Variants in ZDHHC14 observed in about 807,000 individuals in gnomAD.
ZDHHC14 encodes palmitoyltransferase ZDHHC14.
A neutral mutation model predicts 47.7 loss-of-function variants in ZDHHC14; 16 were observed. That is an observed-to-expected ratio of 0.34 (90% confidence interval 0.23 to 0.51). The LOEUF is 0.51. Among genes scored for constraint, ZDHHC14 ranks in the 20% least tolerant of loss-of-function variants. ZDHHC14 has a pLI of 0.97. For synonymous variants in ZDHHC14, 293 were observed against 278.9 expected (o/e 1.05, Z -0.50); for missense variants, 515 against 662.5 (o/e 0.78, Z 2.44).
intron 3 of ZDHHC14, among the ~76,000 whole-genome samples, chr6:157,594,288 GT>G (rs1275983987): frequency 1.3e-5 from 2 of 152,146 alleles, no homozygotes; most frequent in African/African-American, 2.4e-5. Context: ...CCTCGTCTTG[GT>G]TTTCTTAACA....
intron 1 of ZDHHC14, among the ~76,000 whole-genome samples, chr6:157,445,891 C>G (rs143678554): frequency 6.4e-4 from 97 of 152,282 alleles, no homozygotes; most frequent in Non-Finnish European, 1.5e-5. Flanking sequence ...CTTCTCCCAG[C>G]AAATTATCCA....
chr6:157,441,104 T>TTGTGTCCG (rs1478011529), intron 1 of ZDHHC14, among the ~76,000 whole-genome samples: 6 of 152,232 alleles, frequency 3.9e-5, no homozygotes, highest in African/African-American at 1.2e-4. Context: ...TGTGATAGTT[T>TTGTGTCCG]TGTGTCCGTA....
At chr6:157,479,764 G>T (rs1425760434) in intron 1 of ZDHHC14, among the ~76,000 whole-genome samples, 2 of 152,204 alleles carry the variant, frequency 1.3e-5, no homozygotes, top group Non-Finnish European at 2.9e-5. Flanking sequence ...CAAAAACAAA[G>T]CTGTGCACTG....
chr6:157,653,825 A>G (rs1319017463), intron 8 of ZDHHC14, among the ~76,000 whole-genome samples, 198 bp downstream of exon 8: 1 of 152,242 alleles, frequency 6.6e-6, no homozygotes, highest in East Asian at 1.9e-4. Context: ...ATGGCCACTG[A>G]GTTTGGTGTG....
chr6:157,662,995 G>A (rs1778409255), intron 8 of ZDHHC14, among the ~76,000 whole-genome samples: 1 of 152,220 alleles, frequency 6.6e-6, no homozygotes, highest in Non-Finnish European at 1.5e-5. Flanking sequence ...TTTGTAGGTT[G>A]GGTTTTTCTT....
chr6:157,428,344 A>G (rs1332958737), intron 1 of ZDHHC14, among the ~76,000 whole-genome samples: 1 of 152,186 alleles, frequency 6.6e-6, no homozygotes, highest in Non-Finnish European at 1.5e-5. Flanking sequence ...CAAGCAGGGT[A>G]GTGTTTTTCT....
chr6:157,508,392 G>T (rs1188021917), intron 1 of ZDHHC14, among the ~76,000 whole-genome samples: 2 of 151,918 alleles, frequency 1.3e-5, no homozygotes, highest in Admixed American at 6.6e-5. Context: ...CTTGAGACAG[G>T]GTCTTACTCT....
intron 2 of ZDHHC14, among the ~76,000 whole-genome samples, chr6:157,557,900 T>C (rs908861237): frequency 1.3e-5 from 2 of 152,236 alleles, no homozygotes; most frequent in Non-Finnish European, 2.9e-5. Flanking sequence ...TTTCCCCTGA[T>C]TTCCAATGAA....
At chr6:157,426,852 C>T (rs1778232272) in intron 1 of ZDHHC14, among the ~76,000 whole-genome samples, 1 of 152,234 alleles carries the variant, frequency 6.6e-6, no homozygotes, top group African/African-American at 2.4e-5. Context: ...CGTTCACCTC[C>T]ATAAGAGCGT....
chr6:157,446,015 G>A (rs1778660946), intron 1 of ZDHHC14, among the ~76,000 whole-genome samples: 1 of 152,148 alleles, frequency 6.6e-6, no homozygotes, highest in Non-Finnish European at 1.5e-5. Context: ...GCCATTGCAG[G>A]TTTTGATAAT....
chr6:157,552,640 T>G (rs1364150565), intron 2 of ZDHHC14, among the ~76,000 whole-genome samples: 2 of 151,936 alleles, frequency 1.3e-5, no homozygotes, highest in African/African-American at 4.8e-5. Context: ...GAGACTGACC[T>G]GGGAAGACTG....
At chr6:157,631,401 T>C (rs1785732419) in intron 4 of ZDHHC14, 1 of 152,208 alleles carries the variant, frequency 6.6e-6, no homozygotes. Flanking sequence ...AATAAAACTT[T>C]CCCTTTTCCC....
intron 1 of ZDHHC14, among the ~76,000 whole-genome samples, chr6:157,542,184 G>C (rs140280360): frequency 6.6e-6 from 1 of 152,186 alleles, no homozygotes; most frequent in Non-Finnish European, 1.5e-5. Context: ...CTAAATTGGT[G>C]TCTTCTTCTG....
chr6:157,540,741 G>GT (rs1419970040), intron 1 of ZDHHC14, among the ~76,000 whole-genome samples: 13 of 151,860 alleles, frequency 8.6e-5, no homozygotes, highest in Non-Finnish European at 1.6e-4. Context: ...GTGAATTTAA[G>GT]TTTTTTTGGA....
At chr6:157,382,665 A>G (rs1777237987) in intron 1 of ZDHHC14, among the ~76,000 whole-genome samples, 1 of 152,202 alleles carries the variant, frequency 6.6e-6, no homozygotes, top group Non-Finnish European at 1.5e-5. Context: ...TAAGTCAGGG[A>G]TACATGGAAC....
chr6:157,556,276 G>GGGGGGGGGGGGGGGGGGGGAAGGGGT (rs1782460234), intron 2 of ZDHHC14, among the ~76,000 whole-genome samples: 4 of 150,660 alleles, frequency 2.7e-5, no homozygotes, highest in African/African-American at 4.9e-5. Context: ...TGGGAAGGGG[G>GGGGGGGGGGGGGGGGGGGGAAGGGGT]GATGGCCAGC....
chr6:157,627,350 G>C (rs982186803), intron 3 of ZDHHC14, among the ~76,000 whole-genome samples: 6 of 152,112 alleles, frequency 3.9e-5, no homozygotes, highest in Non-Finnish European at 5.9e-5. Flanking sequence ...GAAAACAGCC[G>C]GAGGAGAAAG....
intron 2 of ZDHHC14, 151 bp downstream of exon 2, chr6:157,542,896 A>C: frequency 1.0e-6 from 1 of 1,001,880 alleles, no homozygotes; most frequent in Admixed American, 2.8e-5. Context: ...CTGGGTGGGC[A>C]GGATGAGCTG....
intron 3 of ZDHHC14, among the ~76,000 whole-genome samples, chr6:157,616,174 G>A (rs893736173): frequency 2.6e-5 from 4 of 152,174 alleles, no homozygotes; most frequent in African/African-American, 7.2e-5. Flanking sequence ...ATGTGACAGC[G>A]GCTCCTGCAA....
Sources: gnomAD v4.1 joint callset for allele counts (sites outside exome capture counted in the v4.1 genomes callset) on GRCh38, gnomAD v4.1.1 for gene constraint, MANE v1.5 for transcripts, NCBI Gene and HGNC (gene_info 2026-07-23, HGNC 2026-07-21) for gene names.